Variants in FOXP4 observed in about 807,000 individuals in gnomAD.
FOXP4 encodes forkhead box P4, also known as forkhead box protein P4.
In FOXP4, 25 loss-of-function variants were observed where a neutral mutation model predicts 82.6. That is an observed-to-expected ratio of 0.30 (90% confidence interval 0.22 to 0.42). The LOEUF (loss-of-function observed/expected upper bound fraction) is 0.42, where lower values mean the gene tolerates loss of function less well. Among genes scored for constraint, FOXP4 ranks in the 10% least tolerant of loss-of-function variants. The probability of loss-of-function intolerance (pLI) is 1.00; values close to 1 mark genes in which losing one functional copy is unlikely to be tolerated. For missense variants in FOXP4, 785 were observed against 900.9 expected (o/e 0.87, Z 1.65); for synonymous variants, 415 against 388.2 (o/e 1.07, Z -0.81).
At chr6:41,552,226 C>G (rs1157472142) in intron 1 of FOXP4, among the ~76,000 whole-genome samples, 1 of 152,186 alleles carries the variant, frequency 6.6e-6, no homozygotes, top group Admixed American at 6.5e-5. Context: ...CGGTGTACTT[C>G]CTCCTTTCCT....
chr6:41,555,258 A>G (rs1281264153), intron 1 of FOXP4, among the ~76,000 whole-genome samples: 1 of 152,166 alleles, frequency 6.6e-6, no homozygotes, highest in East Asian at 1.9e-4. Context: ...CTCAAAAAAA[A>G]AAAGAACTGA....
intron 1 of FOXP4, among the ~76,000 whole-genome samples, chr6:41,555,295 C>G (rs1441964874): frequency 6.6e-6 from 1 of 152,068 alleles, no homozygotes; most frequent in East Asian, 1.9e-4. Flanking sequence ...TTTTTGCCTT[C>G]TTTCTACCAC....
rs142598734 is a variant in FOXP4, at chr6:41,596,235, G to A, written c.1659-941G>A. Reference sequence around the variant, plus strand: ...TTTAAACAGAAACTGAGGAGCCTGGGACAGGGTCAGGACCTCCCTTTGGCT... The same window carrying A: ...TTTAAACAGAAACTGAGGAGCCTGGAACAGGGTCAGGACCTCCCTTTGGCT... On this transcript the variant is annotated intron_variant, in intron 14 of 16. Transcript: ENST00000307972. Among the ~76,000 whole-genome samples, 301 of 152,332 alleles carry A rather than the reference G, an allele frequency of 2.0e-3. 9 individuals are homozygous for A. The South Asian group carries it at 0.045, about 23-fold the overall frequency.
chr6:41,565,715 C>T, intron 1 of FOXP4, 30 bp from the exon 2 acceptor site: 4 of 1,549,658 alleles, frequency 2.6e-6, no homozygotes, highest in African/African-American at 1.4e-5. Context: ...CAGCCTCAGC[C>T]TCTCCCCTGT....
chr6:41,560,964 G>T (rs1156261010), intron 1 of FOXP4, among the ~76,000 whole-genome samples: 1 of 152,188 alleles, frequency 6.6e-6, no homozygotes, highest in Admixed American at 6.5e-5. Context: ...CCCCAAGGTA[G>T]GTGGAACTCG....
At chr6:41,559,906 C>T (rs1764471092) in intron 1 of FOXP4, among the ~76,000 whole-genome samples, 1 of 152,160 alleles carries the variant, frequency 6.6e-6, no homozygotes, top group Non-Finnish European at 1.5e-5. Flanking sequence ...TGTGTTTTAA[C>T]AAACTCTCCA....
rs1284866777 is a variant in FOXP4, at chr6:41,593,517, A to G, written c.1537-1353A>G. ...TTTCAGCGTAACGAATTAGTCTCTCATCACGAATCAGGCTTCGAAATGAGG... is the reference window on the plus strand; with the variant it reads ...TTTCAGCGTAACGAATTAGTCTCTCGTCACGAATCAGGCTTCGAAATGAGG... On this transcript the variant is annotated intron_variant, in intron 13 of 16. Transcript: ENST00000307972. The surrounding 1 kb of genome is among the most constrained non-coding windows in gnomAD (Gnocchi z 4.1). Among the ~76,000 whole-genome samples, 1 of 152,310 alleles carries G rather than the reference A, an allele frequency of 6.6e-6. No homozygotes were observed. The highest frequency in any genetic ancestry group is 1.9e-4 in the East Asian group (1 of 5,184).
At chr6:41,577,609 C>T (rs1443219919) in intron 2 of FOXP4, among the ~76,000 whole-genome samples, 1 of 152,306 alleles carries the variant, frequency 6.6e-6, no homozygotes, top group East Asian at 1.9e-4. Flanking sequence ...AAGCTCTTGC[C>T]TGTACAGTGC....
rs770686504 is a variant in FOXP4, at chr6:41,584,853, G to T, written c.385G>T (p.Ala129Ser). The T allele has an allele frequency of 9.9e-6, 16 of 1,610,792 alleles. 1 individual carries two copies. The highest frequency in any genetic ancestry group is 1.4e-5 in the Non-Finnish European group (16 of 1,178,864). Residue 129 changes from alanine to serine, a missense_variant, in exon 4 of 17, where the codon GCC (alanine) becomes TCC (serine). Physicochemically the swap from Ala to Ser is moderately conservative, Grantham distance 99. This residue lies in a region of FOXP4 where 570 missense variants were observed against 634.0 expected (regional missense o/e 0.90). Transcript: ENST00000307972. ...QQILSPPQLQ[A>S]LLQQQQALML... ...GATCCTGTCGCCCCCGCAGCTGCAG[G>T]CCTTGCTCCAGCAGCAGCAAGCCCT...
In FOXP4 at chr6:41,600,559, C is replaced by T. The variant is rs1767169843; in HGVS notation, c.*1623C>T. The T allele has an allele frequency of 6.6e-6, 1 of 152,484 alleles. No individual in the cohort carries two copies. Among genetic ancestry groups the T allele is most frequent in the Non-Finnish European group, 1.5e-5 (1 of 68,082 alleles). 9.4% of individuals were successfully genotyped at this position (152,484 alleles called of 1,614,324 possible). ...GAGGCAGGGGGCCCTCCGCCCCCTC[C>T]CCATGTATTCCCCACCTGTGTTCCG... On this transcript the variant is annotated 3_prime_UTR_variant, in exon 17 of 17. Coordinates refer to ENST00000307972, the MANE Select transcript of FOXP4 (RefSeq NM_001012426.2).
At chr6:41,582,781 C>T (rs748504969) in intron 3 of FOXP4, among the ~76,000 whole-genome samples, 25 of 152,104 alleles carry the variant, frequency 1.6e-4, no homozygotes, top group East Asian at 3.9e-4. Flanking sequence ...AGGATACAAC[C>T]GTAGAGTAGG....
intron 14 of FOXP4, among the ~76,000 whole-genome samples, chr6:41,596,855 T>TG (rs1268886185): frequency 4.0e-5 from 6 of 149,606 alleles, no homozygotes; most frequent in African/African-American, 9.9e-5. Flanking sequence ...AGAAAACGGG[T>TG]GGGGGGGCAG....
In FOXP4 at chr6:41,599,060, C is replaced by T. The variant is rs575819751; in HGVS notation, c.*124C>T. On this transcript the variant is annotated 3_prime_UTR_variant, in exon 17 of 17. Transcript: ENST00000307972. ...AAGTCCAGGACTCAGACCGGGGAGG[C>T]CCGGGCCAGCAGCTCCCAGTGTGAC... 877 of 1,333,256 alleles carry T rather than the reference C, an allele frequency of 6.6e-4. 1 individual carries two copies. Among genetic ancestry groups the T allele is most frequent in the Non-Finnish European group, 8.5e-4 (850 of 996,232 alleles). 82.6% of individuals were successfully genotyped at this position (1,333,256 alleles called of 1,614,324 possible).
At position 41,597,933 on chromosome 6, in the gene FOXP4, C is replaced by T. The variant is rs1170540304; in HGVS notation, c.1878C>T (p.Leu626=). The T allele has an allele frequency of 1.3e-6, 2 of 1,552,416 alleles. No homozygotes were observed. Among genetic ancestry groups the T allele is most frequent in the South Asian group, 2.4e-5 (2 of 83,856 alleles). Reference sequence around the variant, plus strand: ...ACGGCAGCAGCAGCCCTCCTCGCCTCTCCCCGCCCCAGTACAGGTGAGCAC... The same window carrying T: ...ACGGCAGCAGCAGCCCTCCTCGCCTTTCCCCGCCCCAGTACAGGTGAGCAC... ...PSNGSSSPPR[L]SPPQYSHQVQ... is the part of the protein sequence containing the mutation. Residue 626 remains leucine (L), a synonymous_variant, in exon 16 of 17, where the codon CTC becomes CTT. Transcript: ENST00000307972.
chr6:41,547,611 C>T (rs1763721608), intron 1 of FOXP4: 1 of 152,592 alleles, frequency 6.6e-6, no homozygotes, highest in Non-Finnish European at 1.5e-5. Flanking sequence ...TGGAAATGGC[C>T]CCTGTGATTT....
At chr6:41,570,427 C>A (rs1219466649) in intron 2 of FOXP4, 2 of 470,528 alleles carry the variant, frequency 4.3e-6, no homozygotes, top group Admixed American at 4.7e-5. Context: ...GTGGGAGGAG[C>A]TGGGGAGTGC....
At chr6:41,588,261 G>A (rs1258973929) in intron 8 of FOXP4, among the ~76,000 whole-genome samples, 10 of 152,196 alleles carry the variant, frequency 6.6e-5, no homozygotes, top group Admixed American at 4.6e-4. Context: ...CAGGGCGGGA[G>A]GTGGACGGGC....
At chr6:41,566,283 A>G (rs77076398) in intron 2 of FOXP4, among the ~76,000 whole-genome samples, 2,705 of 152,306 alleles carry the variant, frequency 0.018, 34 homozygotes, top group South Asian at 0.032. Context: ...GGCATGTTGG[A>G]TTGGTGGGCA....
chr6:41,571,233 T>C (rs553189984), intron 2 of FOXP4, among the ~76,000 whole-genome samples: 2 of 152,322 alleles, frequency 1.3e-5, no homozygotes, highest in East Asian at 3.9e-4. Context: ...CTCCCCCTCA[T>C]GACACCCTGC....
Sources: allele counts gnomAD v4.1 joint callset (sites outside exome capture counted in the v4.1 genomes callset), GRCh38; gene constraint gnomAD v4.1.1; regional missense constraint gnomAD v4.1.1; non-coding constraint Gnocchi (gnomAD v3.1); transcripts MANE v1.5; gene names NCBI Gene and HGNC (gene_info 2026-07-23, HGNC 2026-07-21).